The following NRXN3 variants were observed in gnomAD, a reference collection of about 807,000 sequenced individuals.
NRXN3 encodes neurexin III.
Under a neutral mutation model 137.6 loss-of-function variants are expected in NRXN3, and 32 were observed. The ratio of observed to expected loss-of-function variants is 0.23; its 90% confidence interval spans 0.18 to 0.31. The LOEUF is 0.31. Ranked by LOEUF, NRXN3 falls within the 10% of genes least tolerant of loss-of-function variation. The pLI, the probability that NRXN3 is intolerant of heterozygous loss-of-function variation, is 1.00. For synonymous variants in NRXN3, 798 were observed against 784.5 expected, an observed-to-expected ratio of 1.02 and a Z score of -0.29; for missense variants, 1,574 against 2,062.5, an observed-to-expected ratio of 0.76 and a Z score of 4.59.
At chr14:79,788,377 G>A (rs560557961) in intron 19 of NRXN3, among the ~76,000 whole-genome samples, 82 of 152,218 alleles carry the variant, frequency 5.4e-4, no homozygotes, top group African/African-American at 1.9e-3. Context: ...CTGAGTACCT[G>A]CTATCCATTC....
At chr14:78,734,030 A>G (rs1309001034) in intron 8 of NRXN3, among the ~76,000 whole-genome samples, 1 of 152,162 alleles carries the variant, frequency 6.6e-6, no homozygotes, top group Admixed American at 6.6e-5. Context: ...AGGGGGAAAG[A>G]GAATAGGCCT....
intron 4 of NRXN3, among the ~76,000 whole-genome samples, chr14:78,376,160 C>A (rs1050011881): frequency 6.6e-6 from 1 of 151,934 alleles, no homozygotes; most frequent in Non-Finnish European, 1.5e-5. Context: ...GCATGTTTAG[C>A]CAGGGAGGCA....
At chr14:79,570,826 A>G (rs1400861975) in intron 16 of NRXN3, among the ~76,000 whole-genome samples, 1 of 152,198 alleles carries the variant, frequency 6.6e-6, no homozygotes. Flanking sequence ...CCTGGCTTGC[A>G]GTCAGCTGCC....
chr14:78,629,966 C>G (rs879359171), intron 4 of NRXN3, among the ~76,000 whole-genome samples: 9 of 152,198 alleles, frequency 5.9e-5, no homozygotes, highest in Non-Finnish European at 1.3e-4. Flanking sequence ...CACACTAACT[C>G]GATGCCCTTT....
intron 4 of NRXN3, among the ~76,000 whole-genome samples, chr14:78,315,343 T>G (rs2078579975): frequency 6.6e-6 from 1 of 152,156 alleles, no homozygotes; most frequent in South Asian, 2.1e-4. Context: ...CTTACATTAG[T>G]GTTTCTCAAA....
At chr14:78,954,707 T>C (rs8008480) in intron 10 of NRXN3, among the ~76,000 whole-genome samples, 32,729 of 151,302 alleles carry the variant, frequency 0.22, 4,613 homozygotes, top group East Asian at 0.46. Flanking sequence ...CCTCGTGATC[T>C]GCCCGCCTCG....
intron 15 of NRXN3, among the ~76,000 whole-genome samples, chr14:79,077,138 G>A (rs1163475599): frequency 6.6e-6 from 1 of 152,144 alleles, no homozygotes; most frequent in East Asian, 1.9e-4. Flanking sequence ...GAATTACCTT[G>A]GTGGAATTAC....
At position 79,712,766 on chromosome 14, in the gene NRXN3, ACCT is replaced by A. The variant is rs565264693; in HGVS notation, c.4014+14833_4014+14835del. Among the ~76,000 whole-genome samples the A allele has an allele frequency of 4.0e-3, 612 of 151,780 alleles. 1 individual carries two copies. Among genetic ancestry groups the A allele is most frequent in the Non-Finnish European group, 6.6e-3 (450 of 67,922 alleles). On this transcript the variant is annotated intron_variant, in intron 19 of 20. Coordinates refer to ENST00000335750, the MANE Select transcript of NRXN3 (RefSeq NM_001330195.2). ...GAGGTCTCCCTTCTGGAGTCGTCTG[ACCT>A]CCTGCTTTAGTCTGGGCTGGGCGCT... is the stretch of plus-strand genomic sequence containing the variant.
At chr14:79,212,786 A>T (rs1305435925) in intron 15 of NRXN3, among the ~76,000 whole-genome samples, 1 of 152,122 alleles carries the variant, frequency 6.6e-6, no homozygotes, top group East Asian at 1.9e-4. Flanking sequence ...AGCCTTAAAA[A>T]AAAATCCTCA....
At chr14:78,390,148 A>G (rs2090559833) in intron 4 of NRXN3, among the ~76,000 whole-genome samples, 1 of 152,088 alleles carries the variant, frequency 6.6e-6, no homozygotes, top group African/African-American at 2.4e-5. Context: ...CTCCTTTATT[A>G]TTATTTATTT....
At chr14:79,587,888 C>A (rs1168854073) in intron 16 of NRXN3, among the ~76,000 whole-genome samples, 1 of 152,160 alleles carries the variant, frequency 6.6e-6, no homozygotes, top group African/African-American at 2.4e-5. Flanking sequence ...AAGAGGTGAT[C>A]TGAGTTCAAA....
chr14:78,988,103 G>T lies in NRXN3; in HGVS notation c.3224G>T (p.Cys1075Phe), dbSNP rs1366580149. 1.2e-6 allele frequency: 2 copies of T among 1,613,898 alleles called. No individual in the cohort carries two copies. Among genetic ancestry groups the T allele is most frequent in the South Asian group, 1.1e-5 (1 of 91,074 alleles). Residue 1075 changes from cysteine to phenylalanine, a missense_variant, in exon 15 of 21, where the codon TGT (cysteine) becomes TTT (phenylalanine). Cys to Phe is a radical substitution (Grantham distance 205). Transcript: ENST00000335750. Reference protein sequence around the residue: ...MQQWEGFTCDCSMTSYSGNQC... With the variant: ...MQQWEGFTCDFSMTSYSGNQC... ...CAATGGGAGGGCTTCACCTGTGATT[G>T]TTCTATGACCTCTTATTCTGGAAAC...
chr14:79,234,256 C>T (rs1313103687), intron 15 of NRXN3, among the ~76,000 whole-genome samples: 2 of 124,864 alleles, frequency 1.6e-5, no homozygotes, highest in Non-Finnish European at 1.6e-5. Flanking sequence ...ATGGAGTGGT[C>T]CTTGGGAATA....
chr14:79,527,686 A>G (rs577054304), intron 16 of NRXN3, among the ~76,000 whole-genome samples: 5 of 152,020 alleles, frequency 3.3e-5, no homozygotes, highest in Admixed American at 6.5e-5. Flanking sequence ...CAGCCTGGCC[A>G]ACATGGTGAA....
At chr14:79,499,777 TA>T (rs1386091249) in intron 16 of NRXN3, among the ~76,000 whole-genome samples, 1 of 152,190 alleles carries the variant, frequency 6.6e-6, no homozygotes, top group Non-Finnish European at 1.5e-5. Flanking sequence ...TCTAGGGGAC[TA>T]GAATACCGAA....
intron 10 of NRXN3, among the ~76,000 whole-genome samples, chr14:78,928,615 A>C (rs868032704): frequency 6.6e-6 from 1 of 152,038 alleles, no homozygotes; most frequent in African/African-American, 2.4e-5. Flanking sequence ...CCATGTCCCT[A>C]CAAAGGACAT....
intron 8 of NRXN3, among the ~76,000 whole-genome samples, chr14:78,726,488 CACATA>C (rs1271135879): frequency 4.9e-5 from 7 of 144,318 alleles, no homozygotes; most frequent in African/African-American, 1.5e-4. Context: ...TGATAAAATA[CACATA>C]ACATAACATT....
chr14:78,756,888 G>A (rs761500790), intron 8 of NRXN3, among the ~76,000 whole-genome samples: 7 of 152,122 alleles, frequency 4.6e-5, no homozygotes, highest in Non-Finnish European at 8.8e-5. Flanking sequence ...TCATTTGGTG[G>A]GTTATTAGAT....
intron 4 of NRXN3, among the ~76,000 whole-genome samples, chr14:78,392,572 C>T (rs138489787): frequency 4.7e-4 from 72 of 152,144 alleles, no homozygotes; most frequent in African/African-American, 1.3e-3. Context: ...AATCAACCCT[C>T]GAAGCCTAAA....
Sources: gnomAD v4.1 joint callset for allele counts (sites outside exome capture counted in the v4.1 genomes callset) on GRCh38, gnomAD v4.1.1 for gene constraint, MANE v1.5 for transcripts, NCBI Gene and HGNC (gene_info 2026-07-23, HGNC 2026-07-21) for gene names.